Variants in FAM186B observed in about 807,000 individuals in gnomAD.
FAM186B encodes family with sequence similarity 186 member B.
FAM186B carries 68 observed loss-of-function variants against 83.4 expected under a neutral mutation model. The observed-to-expected ratio is 0.81, with a 90% CI of 0.67 to 1.00. FAM186B has a LOEUF of 1.00. FAM186B is among the 50% of genes least tolerant of loss of function. The pLI, the probability that FAM186B is intolerant of heterozygous loss-of-function variation, is 0.00. For missense variants in FAM186B, 983 were observed against 1,099.2 expected, an observed-to-expected ratio of 0.89 and a Z score of 1.49; for synonymous variants, 389 against 422.0, an observed-to-expected ratio of 0.92 and a Z score of 0.96.
At chr12:49,594,540 A>G (rs1171531858) in intron 5 of FAM186B, among the ~76,000 whole-genome samples, 1 of 152,230 alleles carries the variant, frequency 6.6e-6, no homozygotes, top group Non-Finnish European at 1.5e-5. Flanking sequence ...AATATACTAT[A>G]ATAAAAGTTA....
chr12:49,587,743 C>T lies in FAM186B; in HGVS notation c.2544G>A (p.Gly848=). ...CVPLQMARQQ[G]KQMEAVWKTE... ...TCTTCCAGACAGCCTCCATCTGCTTCCCCTGTTGGCTGGGAGTGGGGAGTT... is the reference window on the plus strand; with the variant it reads ...TCTTCCAGACAGCCTCCATCTGCTTTCCCTGTTGGCTGGGAGTGGGGAGTT... Residue 848 remains glycine (G), a synonymous_variant, in exon 7 of 7, where the codon GGG becomes GGA. Coordinates refer to ENST00000257894, the MANE Select transcript of FAM186B (RefSeq NM_032130.3). 1 of 1,612,748 alleles carries T rather than the reference C, an allele frequency of 6.2e-7. No homozygotes were observed. Among genetic ancestry groups the T allele is most frequent in the East Asian group, 2.2e-5 (1 of 44,884 alleles).
chr12:49,603,100 AC>A, intron 3 of FAM186B, 84 bp downstream of exon 3: 1 of 1,431,696 alleles, frequency 7.0e-7, no homozygotes, highest in East Asian at 2.3e-5. Flanking sequence ...AATCAGAAAG[AC>A]CCCAGGCCCA....
intron 5 of FAM186B, among the ~76,000 whole-genome samples, chr12:49,597,061 T>C (rs1251809011): frequency 6.6e-6 from 1 of 152,204 alleles, no homozygotes; most frequent in African/African-American, 2.4e-5. Flanking sequence ...TCTGACTGCC[T>C]AGAGTATTCA....
chr12:49,600,984 A>G lies in FAM186B; in HGVS notation c.656T>C (p.Leu219Pro). ...ASEVTSMLQE[L>P]LDSTMFSKGE... is the part of the protein sequence containing the mutation. ...CTTGCTGAACATGGTAGAGTCCAGG[A>G]GCTCCTGCAGCATGGACGTCACCTC... is the stretch of plus-strand genomic sequence containing the variant. Residue 219 changes from leucine to proline, a missense_variant, in exon 4 of 7, where the codon CTC becomes CCC. Coordinates refer to ENST00000257894, the MANE Select transcript of FAM186B (RefSeq NM_032130.3). This position sits in a 1 kb window ranked among gnomAD's most constrained non-coding sequence, Gnocchi z 4.3. The G allele has an allele frequency of 6.2e-7, 1 of 1,614,104 alleles. No individual in the cohort carries two copies. The highest frequency in any genetic ancestry group is 8.5e-7 in the Non-Finnish European group (1 of 1,179,998).
intron 5 of FAM186B, among the ~76,000 whole-genome samples, chr12:49,595,987 AAAAT>A (rs148444901): frequency 0.013 from 2,052 of 152,330 alleles, 23 homozygotes; most frequent in Non-Finnish European, 0.021. Context: ...CCGTCTCAAA[AAAAT>A]AAATAAATAA....
At chr12:49,611,160 G>A in the FAM186B span, among the ~76,000 whole-genome samples, 3 of 151,920 alleles carry the variant, frequency 2.0e-5, no homozygotes, top group Non-Finnish European at 4.4e-5. Flanking sequence ...ATCATCTGAA[G>A]TCAGGAGTTC....
At chr12:49,619,868 C>T in the FAM186B span, among the ~76,000 whole-genome samples, 3 of 151,338 alleles carry the variant, frequency 2.0e-5, no homozygotes, top group South Asian at 2.1e-4. Context: ...TTAGTAGAGA[C>T]GGGGTTTCAC....
downstream of FAM186B, chr12:49,584,489 CTG>C: frequency 1.4e-6 from 1 of 702,260 alleles, no homozygotes; most frequent in Non-Finnish European, 2.6e-6. Flanking sequence ...GCAGTGGAGA[CTG>C]GGGCTGTCTT....
In FAM186B at chr12:49,603,288, C is replaced by T. The variant is rs763162480; in HGVS notation, c.402G>A (p.Thr134=). The change falls in exon 3 of 7, where the codon ACG becomes ACA. Residue 134 remains threonine, a synonymous_variant. Transcript: ENST00000257894. ...AAALDEWIEV[T]EKVLPLSLIA... is the part of the protein sequence containing the mutation. ...TGAGGGACAGCGGTAACACTTTCTC[C>T]GTCACTTCAATCCATTCGTCCAGAG... 41 of 1,614,190 alleles carry T rather than the reference C, an allele frequency of 2.5e-5. No homozygotes were observed. Among genetic ancestry groups the T allele is most frequent in the South Asian group, 3.3e-5 (3 of 91,076 alleles).
At chr12:49,594,725 A>AT (rs1939672635) in intron 5 of FAM186B, among the ~76,000 whole-genome samples, 1 of 152,128 alleles carries the variant, frequency 6.6e-6, no homozygotes, top group Admixed American at 6.6e-5. Flanking sequence ...AAATACAAAA[A>AT]TTAGCTGGGC....
At chr12:49,605,940 T>G (rs1940011457), upstream of FAM186B, among the ~76,000 whole-genome samples, 2 of 151,708 alleles carry the variant, frequency 1.3e-5, no homozygotes, top group South Asian at 4.2e-4. Context: ...TTTTTTGTAT[T>G]TTTAGTAAAG....
upstream of FAM186B, among the ~76,000 whole-genome samples, chr12:49,609,443 C>A (rs766178415): frequency 6.6e-6 from 1 of 152,202 alleles, no homozygotes; most frequent in Non-Finnish European, 1.5e-5. Context: ...ACCTGCTTGC[C>A]TGCATTTGCA....
At chr12:49,599,329 C>T (rs1469643059) in intron 4 of FAM186B, 140 bp downstream of exon 4, 2 of 1,350,576 alleles carry the variant, frequency 1.5e-6, no homozygotes, top group Non-Finnish European at 1.9e-6. Flanking sequence ...TTTCCAGGCC[C>T]CCACTCAGGA....
At chr12:49,598,725 G>T in intron 5 of FAM186B, 30 bp downstream of exon 5, 1 of 1,520,076 alleles carries the variant, frequency 6.6e-7, no homozygotes, top group Non-Finnish European at 8.8e-7. Flanking sequence ...AGGAGGCGGA[G>T]TGGCGGGGGG....
the FAM186B span, among the ~76,000 whole-genome samples, chr12:49,622,105 T>C: frequency 1.3e-5 from 2 of 152,352 alleles, no homozygotes; most frequent in Non-Finnish European, 2.9e-5. Context: ...TACTTAGAGA[T>C]CTCAATAATA....
rs758561286 is a variant in FAM186B, at chr12:49,588,507, G to A, written c.2481C>T (p.Tyr827=). The A allele has an allele frequency of 1.1e-5, 18 of 1,613,592 alleles. No homozygotes were observed. The highest frequency in any genetic ancestry group is 1.4e-5 in the Non-Finnish European group (17 of 1,179,776). ...GGTGCCTAGACAGAAAGGGCTGCTTGTAGGTGGGGCCACTGGGGCGGATGT... is the reference window on the plus strand; with the variant it reads ...GGTGCCTAGACAGAAAGGGCTGCTTATAGGTGGGGCCACTGGGGCGGATGT... The part of the protein sequence containing the change: ...PRHIRPSGPT[Y]KQPFLSRHRA... The change falls in exon 6 of 7, where the codon TAC becomes TAT. Residue 827 remains tyrosine (Y), a synonymous_variant. Coordinates refer to ENST00000257894, the MANE Select transcript of FAM186B (RefSeq NM_032130.3).
chr12:49,598,740 G>A lies in FAM186B; in HGVS notation c.2364+15C>T, dbSNP rs1443898552. Reference sequence around the variant, plus strand: ...AGGAGGCGGAGTGGCGGGGGGGTCAGGGCGGGAGGCCCACCTTGGGGAACA... The same window carrying A: ...AGGAGGCGGAGTGGCGGGGGGGTCAAGGCGGGAGGCCCACCTTGGGGAACA... On this transcript the variant is annotated intron_variant, in intron 5 of 6. Coordinates refer to ENST00000257894, the MANE Select transcript of FAM186B (RefSeq NM_032130.3). The A allele has an allele frequency of 6.4e-7, 1 of 1,566,080 alleles. No homozygotes were observed. The highest frequency in any genetic ancestry group is 1.2e-5 in the South Asian group (1 of 83,878).
chr12:49,608,981 G>T (rs1781691644), upstream of FAM186B, among the ~76,000 whole-genome samples: 1 of 152,150 alleles, frequency 6.6e-6, no homozygotes, highest in African/African-American at 2.4e-5. Flanking sequence ...TCATTCTTTG[G>T]CGACACAGTA....
the FAM186B span, among the ~76,000 whole-genome samples, chr12:49,610,653 G>A: frequency 4.6e-5 from 7 of 151,990 alleles, no homozygotes; most frequent in East Asian, 5.8e-4. Flanking sequence ...AGCCGGACAC[G>A]GTCGTGGGCG....
Sources: gnomAD v4.1 joint callset for allele counts (sites outside exome capture counted in the v4.1 genomes callset) on GRCh38, gnomAD v4.1.1 for gene constraint, Gnocchi (gnomAD v3.1) non-coding constraint, MANE v1.5 for transcripts, NCBI Gene and HGNC (gene_info 2026-07-23, HGNC 2026-07-21) for gene names.